CDKAL1: variants seen among roughly 807,000 people sequenced by gnomAD.
CDKAL1 encodes threonylcarbamoyladenosine tRNA methylthiotransferase.
Under a neutral mutation model 68.2 loss-of-function variants are expected in CDKAL1, and 32 were observed. The ratio of observed to expected loss-of-function variants is 0.47; its 90% CI spans 0.35 to 0.63. CDKAL1 has a LOEUF of 0.63. CDKAL1 is among the 30% of genes least tolerant of loss of function. The pLI is 0.00. For missense variants in CDKAL1, 606 were observed against 696.7 expected (o/e 0.87, Z 1.47); for synonymous variants, 234 against 244.3 (o/e 0.96, Z 0.39).
chr6:20,692,623 G>C, intron 5 of CDKAL1, among the ~76,000 whole-genome samples: 1 of 152,108 alleles, frequency 6.6e-6, no homozygotes, highest in East Asian at 1.9e-4. Context: ...AAGCTTGATG[G>C]TGGGGAATAT....
intron 9 of CDKAL1, among the ~76,000 whole-genome samples, chr6:20,890,383 A>G (rs914969861): frequency 4.6e-5 from 7 of 152,266 alleles, no homozygotes; most frequent in Non-Finnish European, 7.3e-5. Flanking sequence ...TAAAATCATC[A>G]GCACCCGGAT....
chr6:20,565,121 T>G (rs1764409432), intron 4 of CDKAL1, among the ~76,000 whole-genome samples: 1 of 151,992 alleles, frequency 6.6e-6, no homozygotes, highest in African/African-American at 2.4e-5. Context: ...GGATATTTTT[T>G]TATCCCATCA....
intron 4 of CDKAL1, among the ~76,000 whole-genome samples, chr6:20,582,943 G>T (rs1561941877): frequency 6.6e-6 from 1 of 152,156 alleles, no homozygotes; most frequent in Non-Finnish European, 1.5e-5. Context: ...TCTTCTCCAA[G>T]TGATACTCTG....
At chr6:20,666,274 AT>A (rs36034806) in intron 5 of CDKAL1, among the ~76,000 whole-genome samples, 54 of 147,434 alleles carry the variant, frequency 3.7e-4, no homozygotes, top group South Asian at 4.3e-4. Context: ...TGCCCACTAG[AT>A]TTTTTTTTTT....
chr6:21,000,299 A>G lies in CDKAL1; in HGVS notation c.982A>G (p.Ser328Gly), dbSNP rs373753580. 1.8e-5 allele frequency: 29 copies of G among 1,613,788 alleles called. No homozygotes were observed. In the African/African-American group the frequency reaches 2.7e-4, roughly 15 times the overall value. Residue 328 changes from serine (S) to glycine (G), a missense_variant, in exon 11 of 16, where the codon AGC (serine) becomes GGC (glycine). Transcript: ENST00000274695. ...CATACCAGTCCAGTCTGCCTCCGAC[A>G]GCGTACTCATGGAAATGAAAAGAGA... ...LHIPVQSASDSVLMEMKREYC... is the reference protein window; with the variant it reads ...LHIPVQSASDGVLMEMKREYC...
chr6:20,698,178 T>G (rs1012465635), intron 5 of CDKAL1, among the ~76,000 whole-genome samples: 6 of 152,174 alleles, frequency 3.9e-5, no homozygotes, highest in Admixed American at 3.3e-4. Context: ...TAGTGGCTAG[T>G]CAATGAATTT....
At chr6:20,877,860 C>T (rs1760604827) in intron 9 of CDKAL1, among the ~76,000 whole-genome samples, 2 of 152,088 alleles carry the variant, frequency 1.3e-5, no homozygotes, top group Admixed American at 1.3e-4. Context: ...GGAATTTTGG[C>T]CATCTGTGGT....
At chr6:20,689,589 C>T (rs1048865326) in intron 5 of CDKAL1, among the ~76,000 whole-genome samples, 19 of 152,042 alleles carry the variant, frequency 1.2e-4, no homozygotes, top group African/African-American at 4.1e-4. Flanking sequence ...ACCTGAAGTC[C>T]CCACAACCAT....
intron 13 of CDKAL1, among the ~76,000 whole-genome samples, chr6:21,191,760 T>TAA (rs35944981): frequency 7.1e-6 from 1 of 140,630 alleles, no homozygotes. Context: ...TGGTTTTCAT[T>TAA]AAAAAAAAAA....
chr6:20,665,582 C>T (rs1769496225), intron 5 of CDKAL1, among the ~76,000 whole-genome samples: 1 of 151,960 alleles, frequency 6.6e-6, no homozygotes, highest in African/African-American at 2.4e-5. Flanking sequence ...GTATGTTCTT[C>T]CTTCCATTTT....
rs1162272560 is a variant in CDKAL1, at chr6:21,153,235, CTTT to C, written c.1300-44765_1300-44763del. On this transcript the variant is annotated intron_variant, in intron 13 of 15. Transcript: ENST00000274695. ...TTGGCAGGGTAGAGGTATGTGATTTCTTTTTTTTTTTTTTTTTTTTTTTAATCG... is the reference window on the plus strand; with the variant it reads ...TTGGCAGGGTAGAGGTATGTGATTTCTTTTTTTTTTTTTTTTTTTTAATCG... Among the ~76,000 whole-genome samples the C allele has an allele frequency of 8.0e-3, 768 of 96,224 alleles. 8 individuals are homozygous for C. The highest frequency in any genetic ancestry group is 0.026 in the African/African-American group (698 of 27,238). 63.1% of individuals were successfully genotyped at this position (96,224 alleles called of 152,430 possible).
chr6:20,974,815 C>CAAAA (rs34192233), intron 10 of CDKAL1, among the ~76,000 whole-genome samples: 3 of 139,020 alleles, frequency 2.2e-5, no homozygotes, highest in African/African-American at 8.1e-5. Flanking sequence ...CCAGTCTCTG[C>CAAAA]AAAAAAAAAA....
At chr6:20,796,700 T>C (rs1434491203) in intron 8 of CDKAL1, among the ~76,000 whole-genome samples, 1 of 152,164 alleles carries the variant, frequency 6.6e-6, no homozygotes, top group Non-Finnish European at 1.5e-5. Flanking sequence ...ATATGGGCAG[T>C]TGATTTTGAC....
chr6:20,870,282 G>A (rs989641989), intron 9 of CDKAL1, among the ~76,000 whole-genome samples: 3 of 152,174 alleles, frequency 2.0e-5, no homozygotes, highest in African/African-American at 7.2e-5. Flanking sequence ...TCCAGATACT[G>A]CAGGCTTCAT....
chr6:20,731,394 A>T (rs1231670498), intron 5 of CDKAL1, among the ~76,000 whole-genome samples: 1 of 152,152 alleles, frequency 6.6e-6, no homozygotes. Context: ...AAACCTGGAC[A>T]TATTTCTGAG....
chr6:20,855,929 C>T (rs1017554764), intron 9 of CDKAL1, among the ~76,000 whole-genome samples: 1 of 152,116 alleles, frequency 6.6e-6, no homozygotes, highest in African/African-American at 2.4e-5. Flanking sequence ...TTCAGCGAGA[C>T]GTTTGGTTTG....
intron 8 of CDKAL1, among the ~76,000 whole-genome samples, chr6:20,781,559 C>G (rs1775432213): frequency 6.6e-6 from 1 of 152,004 alleles, no homozygotes; most frequent in Non-Finnish European, 1.5e-5. Flanking sequence ...AAAAGTAGCA[C>G]TTTATTTTGT....
At chr6:21,143,204 G>T (rs1453840877) in intron 13 of CDKAL1, among the ~76,000 whole-genome samples, 1 of 152,122 alleles carries the variant, frequency 6.6e-6, no homozygotes, top group Non-Finnish European at 1.5e-5. Flanking sequence ...TTTGCCAGAA[G>T]ATCAAAAATA....
At chr6:20,652,754 G>A (rs1044144039) in intron 5 of CDKAL1, among the ~76,000 whole-genome samples, 1 of 151,844 alleles carries the variant, frequency 6.6e-6, no homozygotes, top group Non-Finnish European at 1.5e-5. Context: ...ATACATTAGC[G>A]TTTATAAAAC....
Sources: gnomAD v4.1 joint callset for allele counts (sites outside exome capture counted in the v4.1 genomes callset) on GRCh38, gnomAD v4.1.1 for gene constraint, MANE v1.5 for transcripts, NCBI Gene and HGNC (gene_info 2026-07-23, HGNC 2026-07-21) for gene names.